The following CLVS1 variants were observed in gnomAD, a reference collection of about 807,000 sequenced individuals.
CLVS1 encodes clavesin 1.
Under a neutral mutation model 33.1 loss-of-function variants are expected in CLVS1, and 10 were observed. The ratio of observed to expected loss-of-function variants is 0.30; its 90% CI spans 0.19 to 0.51. CLVS1 has a LOEUF of 0.51. CLVS1 is among the 20% of genes least tolerant of loss of function. CLVS1 has a pLI of 0.97. For synonymous variants in CLVS1, 163 were observed against 166.1 expected (o/e 0.98, Z 0.14); for missense variants, 343 against 433.4 (o/e 0.79, Z 1.85).
At chr8:61,107,549 A>C (rs1323725792) in intron 1 of CLVS1, among the ~76,000 whole-genome samples, 1 of 152,162 alleles carries the variant, frequency 6.6e-6, no homozygotes, top group African/African-American at 2.4e-5. Flanking sequence ...CCATGACCTA[A>C]TCACTGCCCC....
chr8:61,314,307 A>G (rs1345885548), intron 2 of CLVS1, among the ~76,000 whole-genome samples: 1 of 152,196 alleles, frequency 6.6e-6, no homozygotes, highest in Non-Finnish European at 1.5e-5. Context: ...CACCATGGGT[A>G]GGGTATTTCA....
In CLVS1 at chr8:61,499,760, C is replaced by A; in HGVS notation, c.*218C>A. On this transcript the variant is annotated 3_prime_UTR_variant, in exon 6 of 6. Coordinates refer to ENST00000325897, the MANE Select transcript of CLVS1 (RefSeq NM_173519.3). ...CTTTTTTTTTCCCCCAGTGAGGGGA[C>A]TGGAGGATGATGCAAGGCATTTATG... 1 of 386,268 alleles carries A rather than the reference C, an allele frequency of 2.6e-6. No homozygotes were observed. Among genetic ancestry groups the A allele is most frequent in the East Asian group, 3.7e-5 (1 of 27,130 alleles). 23.9% of individuals were successfully genotyped at this position (386,268 alleles called of 1,614,324 possible).
At chr8:61,028,137 G>A in the CLVS1 span, among the ~76,000 whole-genome samples, 2 of 152,186 alleles carry the variant, frequency 1.3e-5, no homozygotes, top group East Asian at 3.8e-4. Flanking sequence ...TAAAGATAAG[G>A]ACACTGAGGT....
rs1193573985 is a variant in CLVS1, at chr8:61,499,786, T to TA, written c.*250dup. ...TGGAGGATGATGCAAGGCATTTATG[T>TA]AAAAAAGATTCTCCCTCCTTTCATA... On this transcript the variant is annotated 3_prime_UTR_variant, in exon 6 of 6. Transcript: ENST00000325897. The TA allele has an allele frequency of 1.3e-5, 4 of 305,426 alleles. No individual in the cohort carries two copies. Among genetic ancestry groups the TA allele is most frequent in the African/African-American group, 2.1e-5 (1 of 47,164 alleles). The allele number at this position is 305,426 out of a possible 1,614,324, so 18.9% of individuals were successfully genotyped here.
At chr8:61,445,965 C>T (rs533176023) in intron 3 of CLVS1, among the ~76,000 whole-genome samples, 11 of 152,118 alleles carry the variant, frequency 7.2e-5, no homozygotes, top group Admixed American at 3.9e-4. Flanking sequence ...ATAGTATTCC[C>T]GGCTTATCCT....
intron 2 of CLVS1, among the ~76,000 whole-genome samples, chr8:61,219,704 G>A (rs539664384): frequency 6.6e-6 from 1 of 152,272 alleles, no homozygotes; most frequent in Admixed American, 6.5e-5. Context: ...TCTGGTTCTA[G>A]ATCCTTGAGG....
At chr8:61,203,295 G>A (rs554302057) in intron 2 of CLVS1, 1 of 753,152 alleles carries the variant, frequency 1.3e-6, no homozygotes, top group Non-Finnish European at 2.4e-6. Context: ...TTGATATCTG[G>A]CTGTCCTTTT....
chr8:61,347,171 A>G (rs1446105931), intron 2 of CLVS1, among the ~76,000 whole-genome samples: 1 of 152,164 alleles, frequency 6.6e-6, no homozygotes, highest in East Asian at 1.9e-4. Context: ...CCTAAGAAAT[A>G]GCAGTAGCAG....
rs536100663 is a variant in CLVS1 at position 61,131,312 on chromosome 8, G to A, written c.-242-458G>A. ...GATGACTGGAGTGGGTCAGATGTAA[G>A]GTGATGAAGGTGCGAATTATGCAGT... On this transcript the variant is annotated intron_variant, in intron 1 of 2. Coordinates refer to the CLVS1 transcript ENST00000522621. 2.0e-5 allele frequency among the ~76,000 whole-genome samples: 3 copies of A among 152,348 alleles called. No homozygotes were observed. In the East Asian group the frequency reaches 5.8e-4, roughly 29 times the overall value.
chr8:61,143,825 AAT>A (rs1246733235), intron 2 of CLVS1, among the ~76,000 whole-genome samples: 3 of 147,644 alleles, frequency 2.0e-5, no homozygotes, highest in African/African-American at 7.4e-5. Flanking sequence ...TCACATATAT[AAT>A]ATGTATATAT....
intron 2 of CLVS1, among the ~76,000 whole-genome samples, chr8:61,211,341 C>A (rs1344236633): frequency 6.6e-6 from 1 of 151,480 alleles, no homozygotes; most frequent in Non-Finnish European, 1.5e-5. Flanking sequence ...CCTTCCTCTC[C>A]CTCCTTCTTC....
At chr8:61,079,236 A>G (rs1456706262) in intron 1 of CLVS1, among the ~76,000 whole-genome samples, 1 of 152,116 alleles carries the variant, frequency 6.6e-6, no homozygotes, top group African/African-American at 2.4e-5. Flanking sequence ...TTTACTCTTT[A>G]TGTTTTATTC....
chr8:61,086,035 CAAAAAAAAAAAAAAAAAAAAA>C (rs4033854), intron 1 of CLVS1, among the ~76,000 whole-genome samples: 3 of 31,204 alleles, frequency 9.6e-5, no homozygotes, highest in South Asian at 3.9e-3. Context: ...GACTCCCTCT[CAAAAAAAAAAAAAAAAAAAAA>C]AAAAAAAAAA....
chr8:61,076,940 G>A (rs565209347), intron 1 of CLVS1, among the ~76,000 whole-genome samples: 9 of 152,282 alleles, frequency 5.9e-5, no homozygotes, highest in East Asian at 3.9e-4. Flanking sequence ...TGCCTGTTGC[G>A]GATGATCTGC....
At chr8:61,132,393 G>A (rs561723142) in intron 2 of CLVS1, among the ~76,000 whole-genome samples, 104 of 152,320 alleles carry the variant, frequency 6.8e-4, no homozygotes, top group African/African-American at 2.3e-3. Flanking sequence ...GAAAGCACCC[G>A]GGGCTGGAGA....
At chr8:61,434,776 G>A (rs1043331068) in intron 3 of CLVS1, among the ~76,000 whole-genome samples, 1 of 152,146 alleles carries the variant, frequency 6.6e-6, no homozygotes, top group Non-Finnish European at 1.5e-5. Flanking sequence ...GAGAGCACAG[G>A]TTGTAAACTG....
chr8:61,333,383 A>G (rs1302856946), intron 2 of CLVS1, among the ~76,000 whole-genome samples: 11 of 152,222 alleles, frequency 7.2e-5, no homozygotes, highest in Admixed American at 1.3e-4. Flanking sequence ...AGGGTCCTAT[A>G]AAGATTTCAA....
intron 2 of CLVS1, among the ~76,000 whole-genome samples, chr8:61,238,589 C>T (rs1250894203): frequency 6.6e-6 from 1 of 152,192 alleles, no homozygotes; most frequent in Non-Finnish European, 1.5e-5. Context: ...CTTCTCAATT[C>T]AAGTGACAGG....
chr8:61,456,400 C>T (rs1479651916), intron 4 of CLVS1, among the ~76,000 whole-genome samples: 1 of 152,136 alleles, frequency 6.6e-6, no homozygotes, highest in Non-Finnish European at 1.5e-5. Flanking sequence ...TGACTTTCTT[C>T]AAAAGAAATA....
Sources: gnomAD v4.1 joint callset for allele counts (sites outside exome capture counted in the v4.1 genomes callset) on GRCh38, gnomAD v4.1.1 for gene constraint, MANE v1.5 for transcripts, NCBI Gene and HGNC (gene_info 2026-07-23, HGNC 2026-07-21) for gene names.